The following VAV2 variants were observed in gnomAD, a reference collection of about 807,000 sequenced individuals.
VAV2 encodes the protein vav guanine nucleotide exchange factor 2.
A neutral mutation model predicts 132.5 loss-of-function variants in VAV2; 67 were observed. The observed-to-expected ratio is 0.51, with a 90% CI of 0.42 to 0.62. The LOEUF (loss-of-function observed/expected upper bound fraction) is 0.62, where lower values mean the gene tolerates loss of function less well. Among genes scored for constraint, VAV2 ranks in the 20% least tolerant of loss-of-function variants. The pLI is 0.00. For missense variants in VAV2, 938 were observed against 1,153.6 expected (o/e 0.81, Z 2.71); for synonymous variants, 492 against 443.5 (o/e 1.11, Z -1.37).
At chr9:133,783,293 GGAA>G in intron 19 of VAV2, among the ~76,000 whole-genome samples, 1 of 152,240 alleles carries the variant, frequency 6.6e-6, no homozygotes, top group South Asian at 2.1e-4. Flanking sequence ...GAGAGGGCTT[GGAA>G]TGGAATTCAT....
chr9:133,787,659 G>T (rs978481710), intron 15 of VAV2, among the ~76,000 whole-genome samples: 5 of 149,912 alleles, frequency 3.3e-5, no homozygotes, highest in African/African-American at 1.2e-4. Context: ...AAGTGCCATG[G>T]GCAGAAGCCT....
At chr9:133,939,267 G>C in intron 1 of VAV2, 48 bp from the exon 2 acceptor site, 1 of 1,535,110 alleles carries the variant, frequency 6.5e-7, no homozygotes, top group Non-Finnish European at 9.0e-7. Context: ...TATTAAAACT[G>C]TAAGCTCTGT....
chr9:133,782,016 T>C (rs1162426669), intron 19 of VAV2, among the ~76,000 whole-genome samples: 1 of 152,064 alleles, frequency 6.6e-6, no homozygotes, highest in East Asian at 1.9e-4. Context: ...TGCCTGGGGA[T>C]AGGAGGAGTA....
chr9:133,905,723 C>G (rs886112), intron 2 of VAV2, among the ~76,000 whole-genome samples: 2 of 151,632 alleles, frequency 1.3e-5, no homozygotes, highest in Non-Finnish European at 1.5e-5. Flanking sequence ...TAGTGGATCA[C>G]TGGGGCTGCA....
At position 133,823,207 on chromosome 9, in the gene VAV2, A is replaced by T. The variant is rs1835861346; in HGVS notation, c.450-10991T>A. ...CCTCTCTGTGCTCTGCTCCTTTATG[A>T]ATGACCCTTATGGAGCGTTTATCTC... On this transcript the variant is annotated intron_variant, in intron 4 of 29. Transcript: ENST00000371850. The surrounding 1 kb of genome is among the most constrained non-coding windows in gnomAD (Gnocchi z 5.5). Among the ~76,000 whole-genome samples, 1 of 152,176 alleles carries T rather than the reference A, an allele frequency of 6.6e-6. No homozygotes were observed. The highest frequency in any genetic ancestry group is 2.4e-5 in the African/African-American group (1 of 41,438).
rs1219872581 is a variant in VAV2 at position 133,778,755 on chromosome 9, G to T, written c.1890+7C>A. ...GACCCTCGACCCTCCCGGGCCCCAG[G>T]ACCCACCTCCCACCACGGAGACTCA... On this transcript the variant is annotated splice_region_variant and intron_variant, in intron 22 of 29. Coordinates refer to ENST00000371850, the MANE Select transcript of VAV2 (RefSeq NM_001134398.2). The T allele has an allele frequency of 6.2e-7, 1 of 1,612,056 alleles. No individual in the cohort carries two copies. The highest frequency in any genetic ancestry group is 2.2e-5 in the East Asian group (1 of 44,880).
At chr9:133,965,728 T>C (rs1842122057) in intron 1 of VAV2, among the ~76,000 whole-genome samples, 1 of 152,144 alleles carries the variant, frequency 6.6e-6, no homozygotes, top group Non-Finnish European at 1.5e-5. Flanking sequence ...ATAGATTAAA[T>C]GCAATTCCTA....
At chr9:133,827,079 C>T (rs1055154968) in intron 4 of VAV2, among the ~76,000 whole-genome samples, 6 of 152,190 alleles carry the variant, frequency 3.9e-5, no homozygotes, top group Non-Finnish European at 5.9e-5. Flanking sequence ...GGCTGCAGTG[C>T]CAGGAGGGGG....
intron 1 of VAV2, among the ~76,000 whole-genome samples, chr9:133,985,252 G>A (rs995508911): frequency 1.3e-5 from 2 of 151,456 alleles, no homozygotes; most frequent in African/African-American, 4.9e-5. Context: ...GTGTGTGTGT[G>A]TGTGTGTGTG....
chr9:133,960,502 GCTC>G (rs1488929022), intron 1 of VAV2, among the ~76,000 whole-genome samples: 6 of 152,204 alleles, frequency 3.9e-5, no homozygotes, highest in African/African-American at 1.2e-4. Flanking sequence ...CATGAAAGTG[GCTC>G]CTCAAAGCCT....
rs1308424215 is a variant in VAV2, at chr9:133,769,314, C to T, written c.2434+103G>A. On this transcript the variant is annotated intron_variant, in intron 28 of 29. Transcript: ENST00000371850. The surrounding 1 kb of genome is among the most constrained non-coding windows in gnomAD (Gnocchi z 8.1). ...AGTGCCAGACTGCGGACAACTGTGG[C>T]CACGTCAGGCAGGGCTGTGGGGCCA... 25 of 1,279,870 alleles carry T rather than the reference C, an allele frequency of 2.0e-5. No individual in the cohort carries two copies. The highest frequency in any genetic ancestry group is 3.0e-5 in the African/African-American group (2 of 66,440). 79.3% of individuals were successfully genotyped at this position (1,279,870 alleles called of 1,614,324 possible).
chr9:133,861,806 T>A (rs547822068), intron 2 of VAV2, among the ~76,000 whole-genome samples: 1 of 152,278 alleles, frequency 6.6e-6, no homozygotes, highest in South Asian at 2.1e-4. Context: ...GGTACCATAT[T>A]ACTAAGTACA....
At chr9:133,766,764 AT>A (rs199980859) in intron 29 of VAV2, among the ~76,000 whole-genome samples, 6,082 of 132,626 alleles carry the variant, frequency 0.046, 313 homozygotes, top group African/African-American at 0.13. Context: ...AAATAAATAT[AT>A]ATATATATAT....
intron 4 of VAV2, among the ~76,000 whole-genome samples, chr9:133,829,863 A>T (rs554497374): frequency 6.6e-6 from 1 of 152,272 alleles, no homozygotes; most frequent in South Asian, 2.1e-4. Context: ...CTGTAATCCC[A>T]CCACACTGCC....
chr9:133,768,439 C>T lies in VAV2; in HGVS notation c.2589+3G>A. The T allele has an allele frequency of 6.2e-7, 1 of 1,612,208 alleles. No homozygotes were observed. Among genetic ancestry groups the T allele is most frequent in the East Asian group, 2.2e-5 (1 of 44,862 alleles). On this transcript the variant is annotated splice_donor_region_variant and intron_variant, in intron 29 of 29. Coordinates refer to ENST00000371850, the MANE Select transcript of VAV2 (RefSeq NM_001134398.2). The surrounding 1 kb of genome is among the most constrained non-coding windows in gnomAD (Gnocchi z 5.3). Reference sequence around the variant, plus strand: ...CCCACACCCTCAGGGTGGGGCCACTCACCCGTCCGTTGGTCTCGCCCTTCC... The same window carrying T: ...CCCACACCCTCAGGGTGGGGCCACTTACCCGTCCGTTGGTCTCGCCCTTCC...
rs1834318514 is a variant in VAV2 at position 133,788,378 on chromosome 9, G to A, written c.1383C>T (p.Pro461=). 2 of 1,610,540 alleles carry A rather than the reference G, an allele frequency of 1.2e-6. No homozygotes were observed. The highest frequency in any genetic ancestry group is 1.7e-6 in the Non-Finnish European group (2 of 1,177,046). The change falls in exon 15 of 30, where the codon CCC becomes CCT. Residue 461 remains proline (P), a synonymous_variant. Coordinates refer to ENST00000371850, the MANE Select transcript of VAV2 (RefSeq NM_001134398.2). The surrounding 1 kb of genome is among the most constrained non-coding windows in gnomAD (Gnocchi z 5.3). Reference sequence around the variant, plus strand: ...CCTTCTTGACGTCCTTGTTGTTCATGGGGTCGTCGGTCATCTTGTGGAACA... The same window carrying A: ...CCTTCTTGACGTCCTTGTTGTTCATAGGGTCGTCGGTCATCTTGTGGAACA... ...ELLFHKMTDD[P]MNNKDVKKSH... is the part of the protein sequence containing the mutation.
chr9:133,910,800 G>C (rs1839854386), intron 2 of VAV2, among the ~76,000 whole-genome samples: 1 of 148,758 alleles, frequency 6.7e-6, no homozygotes, highest in African/African-American at 2.5e-5. Flanking sequence ...CCCCAGCCTG[G>C]GCGACAGAGC....
chr9:133,813,367 G>A (rs1835432129), intron 4 of VAV2, among the ~76,000 whole-genome samples: 1 of 152,268 alleles, frequency 6.6e-6, no homozygotes, highest in Non-Finnish European at 1.5e-5. Context: ...CGGTACTCAG[G>A]AACGGGTTCC....
At chr9:133,780,066 G>T in intron 20 of VAV2, 127 bp from the exon 21 acceptor site, 2 of 1,275,316 alleles carry the variant, frequency 1.6e-6, no homozygotes, top group Non-Finnish European at 2.2e-6. Context: ...GCAGGAGCAG[G>T]GGAGGAGAGG....
Sources: gnomAD v4.1 joint callset for allele counts (sites outside exome capture counted in the v4.1 genomes callset) on GRCh38, gnomAD v4.1.1 for gene constraint, Gnocchi (gnomAD v3.1) non-coding constraint, MANE v1.5 for transcripts, NCBI Gene and HGNC (gene_info 2026-07-23, HGNC 2026-07-21) for gene names.